Variants in KCNAB1 observed in about 807,000 individuals in gnomAD.
KCNAB1 encodes voltage-gated potassium channel subunit beta-1.
KCNAB1 carries 35 observed loss-of-function variants against 64.6 expected under a neutral mutation model. The observed-to-expected ratio is 0.54, with a 90% confidence interval of 0.41 to 0.72. The LOEUF (loss-of-function observed/expected upper bound fraction) is 0.72, where lower values mean the gene tolerates loss of function less well. Among genes scored for constraint, KCNAB1 ranks in the 30% least tolerant of loss-of-function variants. The pLI is 0.00. For missense variants in KCNAB1, 401 were observed against 512.9 expected (o/e 0.78, Z 2.11); for synonymous variants, 177 against 183.8 (o/e 0.96, Z 0.30).
intron 1 of KCNAB1, among the ~76,000 whole-genome samples, chr3:156,234,548 G>A (rs1716740589): frequency 6.6e-6 from 1 of 152,114 alleles, no homozygotes; most frequent in South Asian, 2.1e-4. Context: ...AAAATAGGAA[G>A]TGAGGTCAAC....
At chr3:156,284,416 T>G (rs1386533010) in intron 1 of KCNAB1, among the ~76,000 whole-genome samples, 1 of 152,182 alleles carries the variant, frequency 6.6e-6, no homozygotes, top group Non-Finnish European at 1.5e-5. Flanking sequence ...ACTGCTGTCT[T>G]TTTGTTTGTC....
At chr3:156,245,426 C>A (rs547383511) in intron 1 of KCNAB1, among the ~76,000 whole-genome samples, 22 of 152,226 alleles carry the variant, frequency 1.4e-4, no homozygotes, top group East Asian at 9.6e-4. Context: ...ACATTAGAAC[C>A]AGGAAATTGA....
rs142563546 is a variant in KCNAB1, at chr3:156,316,861, G to A, written c.276-104755G>A. On this transcript the variant is annotated intron_variant, in intron 1 of 13. Transcript: ENST00000490337. ...GAACTCCAAAGATGAAATCCATGAA[G>A]GTCAGAGCCCAGGCCACAAAGCAGG... is the stretch of plus-strand genomic sequence containing the variant. Among the ~76,000 whole-genome samples, 116 of 152,296 alleles carry A rather than the reference G, an allele frequency of 7.6e-4. 1 individual carries two copies. The highest frequency in any genetic ancestry group is 2.2e-3 in the African/African-American group (90 of 41,554).
chr3:156,464,303 A>T (rs1187955784), intron 6 of KCNAB1, among the ~76,000 whole-genome samples: 1 of 152,170 alleles, frequency 6.6e-6, no homozygotes, highest in Non-Finnish European at 1.5e-5. Flanking sequence ...TACAGAGAAG[A>T]TTTCACAGGA....
At chr3:156,356,581 A>G (rs1278309740) in intron 1 of KCNAB1, among the ~76,000 whole-genome samples, 2 of 152,048 alleles carry the variant, frequency 1.3e-5, no homozygotes, top group African/African-American at 4.8e-5. Flanking sequence ...AGAGCCTCCT[A>G]TTTTTCAAAT....
chr3:156,539,010 A>AATG (rs1576993301), downstream of KCNAB1: 2 of 102,712 alleles, frequency 1.9e-5, no homozygotes, highest in East Asian at 3.2e-4. Flanking sequence ...TAAATATACT[A>AATG]ATGTATTTCA....
At chr3:156,472,021 T>A (rs1713939797) in intron 7 of KCNAB1, among the ~76,000 whole-genome samples, 1 of 152,112 alleles carries the variant, frequency 6.6e-6, no homozygotes, top group African/African-American at 2.4e-5. Flanking sequence ...CCTCGCCTCC[T>A]CTGAATGCCA....
intron 1 of KCNAB1, among the ~76,000 whole-genome samples, chr3:156,394,246 C>G (rs79704184): frequency 6.6e-6 from 1 of 152,328 alleles, no homozygotes; most frequent in East Asian, 1.9e-4. Flanking sequence ...ATTAGCTTCA[C>G]CATCTCCCCT....
chr3:156,149,106 A>C (rs1208255712), intron 1 of KCNAB1, among the ~76,000 whole-genome samples: 1 of 152,212 alleles, frequency 6.6e-6, no homozygotes, highest in Non-Finnish European at 1.5e-5. Context: ...ACCAGCTTGC[A>C]GTGTCTCTCC....
intron 1 of KCNAB1, among the ~76,000 whole-genome samples, chr3:156,373,479 A>G (rs1039990942): frequency 1.3e-5 from 2 of 152,232 alleles, no homozygotes; most frequent in African/African-American, 4.8e-5. Context: ...CACTGTTTTT[A>G]AAAAAGGAAG....
At chr3:156,297,858 G>A (rs1260255604) in intron 1 of KCNAB1, among the ~76,000 whole-genome samples, 1 of 152,026 alleles carries the variant, frequency 6.6e-6, no homozygotes, top group African/African-American at 2.4e-5. Flanking sequence ...TGAAGAGGAG[G>A]AAAAGGAGAG....
intron 1 of KCNAB1, among the ~76,000 whole-genome samples, chr3:156,295,717 CT>C (rs35519288): frequency 1.9e-4 from 29 of 151,822 alleles, no homozygotes; most frequent in Admixed American, 1.9e-3. Context: ...CCTTAGAGGG[CT>C]TTTTTTTCCA....
chr3:156,508,167 C>T lies in KCNAB1; in HGVS notation c.659-6197C>T, dbSNP rs372572824. On this transcript the variant is annotated intron_variant, in intron 8 of 13. Coordinates refer to ENST00000490337, the MANE Select transcript of KCNAB1 (RefSeq NM_172160.3). This position sits in a 1 kb window ranked among gnomAD's most constrained non-coding sequence, Gnocchi z 4.1. ...TTATGCCTAAAAACTTCACTCCTAACCTGTTTCCTCATCTAGAATAAGAAG... is the reference window on the plus strand; with the variant it reads ...TTATGCCTAAAAACTTCACTCCTAATCTGTTTCCTCATCTAGAATAAGAAG... 6.6e-6 allele frequency among the ~76,000 whole-genome samples: 1 copy of T among 152,116 alleles called. No individual in the cohort carries two copies. Among genetic ancestry groups the T allele is most frequent in the Non-Finnish European group, 1.5e-5 (1 of 68,014 alleles).
chr3:156,159,194 A>G (rs1285269247), intron 1 of KCNAB1, among the ~76,000 whole-genome samples: 4 of 152,106 alleles, frequency 2.6e-5, no homozygotes, highest in Non-Finnish European at 5.9e-5. Flanking sequence ...ACACTACTCT[A>G]TGCTACCTAG....
At chr3:156,145,622 T>C (rs1714994478) in intron 1 of KCNAB1, among the ~76,000 whole-genome samples, 1 of 152,202 alleles carries the variant, frequency 6.6e-6, no homozygotes, top group South Asian at 2.1e-4. Context: ...AAACAACCTC[T>C]GTTAAGCCTT....
At chr3:156,246,406 C>A (rs1469076012) in intron 1 of KCNAB1, among the ~76,000 whole-genome samples, 1 of 151,166 alleles carries the variant, frequency 6.6e-6, no homozygotes, top group Non-Finnish European at 1.5e-5. Context: ...GAGTTTGAGA[C>A]CAGCCTGCCA....
Position 156,474,747 on chromosome 3 carries a change from C to A in KCNAB1, c.585C>A (p.Ser195=), listed in dbSNP as rs375725730. 1 of 1,613,094 alleles carries A rather than the reference C, an allele frequency of 6.2e-7. No homozygotes were observed. The highest frequency in any genetic ancestry group is 1.1e-5 in the South Asian group (1 of 91,040). The change falls in exon 8 of 14, where the codon TCC becomes TCA. Residue 195 remains serine (S), a synonymous_variant. Transcript: ENST00000490337. The part of the protein sequence containing the change: ...RKHIIEGLKG[S]LQRLQLEYVD... ...TTCTGCTCCCAGGATTGAAGGGCTC[C>A]CTCCAGAGGCTGCAGCTCGAGTATG...
chr3:156,390,257 A>G (rs916704183), intron 1 of KCNAB1, among the ~76,000 whole-genome samples: 2 of 152,206 alleles, frequency 1.3e-5, no homozygotes, highest in African/African-American at 4.8e-5. Context: ...AAGAATTTGC[A>G]GGTTCACAGG....
At chr3:156,479,253 G>T (rs2054411766) in intron 8 of KCNAB1, among the ~76,000 whole-genome samples, 2 of 152,234 alleles carry the variant, frequency 1.3e-5, no homozygotes, top group African/African-American at 4.8e-5. Context: ...GCTCTATGAA[G>T]CTCATATCCC....
Sources: allele counts gnomAD v4.1 joint callset (sites outside exome capture counted in the v4.1 genomes callset), GRCh38; gene constraint gnomAD v4.1.1; non-coding constraint Gnocchi (gnomAD v3.1); transcripts MANE v1.5; gene names NCBI Gene and HGNC (gene_info 2026-07-23, HGNC 2026-07-21).